The following CAND2 variants were observed in gnomAD, a reference collection of about 807,000 sequenced individuals.
The protein encoded by CAND2 is cullin-associated NEDD8-dissociated protein 2.
In CAND2, 62 loss-of-function variants were observed where a neutral mutation model predicts 98.9. That is an observed-to-expected ratio of 0.63 (90% CI 0.51 to 0.77). The LOEUF is 0.77. CAND2 is among the 30% of genes least tolerant of loss of function. The pLI is 0.00. For missense variants in CAND2, 1,501 were observed against 1,655.2 expected, an observed-to-expected ratio of 0.91 and a Z score of 1.62; for synonymous variants, 770 against 731.9, an observed-to-expected ratio of 1.05 and a Z score of -0.84.
In CAND2 at chr3:12,812,221, C is replaced by CTTTTTTTTTTTTTTTTTTTTTTT. The variant is rs531439250; in HGVS notation, c.758-750_758-749insTTTTTTTTTTTTTTTTTTTTTTT. Among the ~76,000 whole-genome samples, 13 of 74,512 alleles carry CTTTTTTTTTTTTTTTTTTTTTTT rather than the reference C, an allele frequency of 1.7e-4. 2 individuals carry two copies. Among genetic ancestry groups the CTTTTTTTTTTTTTTTTTTTTTTT allele is most frequent in the African/African-American group, 4.6e-4 (8 of 17,402 alleles). 48.9% of individuals were successfully genotyped at this position (74,512 alleles called of 152,430 possible). A position where few individuals can be genotyped will look rare whatever the true frequency, so the allele number is the denominator to read the frequency against. On this transcript the variant is annotated intron_variant, in intron 5 of 14. Transcript: ENST00000456430. Reference sequence around the variant, plus strand: ...ACCATGCCCGGCCTAAGCTGTTTATCTTTTTTTTTTTTTTTTTTTGGAGAT... The same window carrying CTTTTTTTTTTTTTTTTTTTTTTT: ...ACCATGCCCGGCCTAAGCTGTTTATCTTTTTTTTTTTTTTTTTTTTTTTTTTTTTTTTTTTTTTTTTTGGAGAT...
rs773542834 is a variant in CAND2, at chr3:12,825,634, C to T, written c.3205C>T (p.Arg1069Ter). 6 of 1,588,606 alleles carry T rather than the reference C, an allele frequency of 3.8e-6. No homozygotes were observed. In the African/African-American group the frequency reaches 6.7e-5, roughly 18 times the overall value. The change falls in exon 12 of 15, where the codon CGA becomes TGA. Residue 1069 changes from arginine (R) to a stop codon, truncating the protein, a stop_gained. Coordinates refer to ENST00000456430, the MANE Select transcript of CAND2 (RefSeq NM_001162499.2). LOFTEE classifies it high-confidence loss of function. ...QETKIRRDLI[R>*]EVEMGPFKHT... ...GACAAAGATCCGGCGGGACCTCATC[C>T]GAGAGGTGTGGAGCAGAGCTGGGGA... is the stretch of plus-strand genomic sequence containing the variant.
chr3:12,809,725 A>G (rs77126575), intron 4 of CAND2, among the ~76,000 whole-genome samples: 2,280 of 151,918 alleles, frequency 0.015, 58 homozygotes, highest in African/African-American at 0.049. Flanking sequence ...AGGAGGATGG[A>G]CAGAAGGGGA....
In CAND2 at chr3:12,815,291, A is replaced by T. The variant is rs776527631; in HGVS notation, c.1157A>T (p.Lys386Ile). The change falls in exon 8 of 15, where the codon AAA becomes ATA. Residue 386 changes from lysine (K) to isoleucine (I), a missense_variant. Lys to Ile is a moderately radical substitution (Grantham distance 102). Transcript: ENST00000456430. This position sits in a 1 kb window ranked among gnomAD's most constrained non-coding sequence, Gnocchi z 5.7. ...GCACCTGTGCTCATCCGCCGCTTCA[A>T]AGAACGCGAGGAGAACGTCAAGGCT... ...TLAPVLIRRF[K>I]EREENVKADV... 16 of 1,613,872 alleles carry T rather than the reference A, an allele frequency of 9.9e-6. No individual in the cohort carries two copies. In the Admixed American group the frequency reaches 1.8e-4, roughly 18 times the overall value.
chr3:12,807,412 G>T lies in CAND2; in HGVS notation c.319G>T (p.Gly107Cys). Reference protein sequence around the residue: ...SDKEQLRDIAGIGLKTVLSEL... With the variant: ...SDKEQLRDIACIGLKTVLSEL... ...CAAGGAGCAGCTGCGAGACATTGCC[G>T]GCATTGGCCTCAAGACCGTCCTCTC... Residue 107 changes from glycine (G) to cysteine (C), a missense_variant, in exon 3 of 15, where the codon GGC (glycine) becomes TGC (cysteine). Physicochemically the swap from Gly to Cys is radical, Grantham distance 159 (BLOSUM62 -3). Transcript: ENST00000456430. 6.4e-7 allele frequency: 1 copy of T among 1,551,712 alleles called. No individual in the cohort carries two copies. The highest frequency in any genetic ancestry group is 8.7e-7 in the Non-Finnish European group (1 of 1,146,980).
chr3:12,816,866 A>G lies in CAND2; in HGVS notation c.1934A>G (p.Asp645Gly). 6.2e-7 allele frequency: 1 copy of G among 1,613,626 alleles called. No individual in the cohort carries two copies. The highest frequency in any genetic ancestry group is 8.5e-7 in the Non-Finnish European group (1 of 1,179,988). ...TLVAVSPLQL[D>G]LQPILAEALH... ...GTGGCCGTATCCCCACTACAGCTTGACCTACAGCCCATCCTGGCCGAGGCA... is the reference window on the plus strand; with the variant it reads ...GTGGCCGTATCCCCACTACAGCTTGGCCTACAGCCCATCCTGGCCGAGGCA... Residue 645 changes from aspartate (D) to glycine (G), a missense_variant, in exon 10 of 15, where the codon GAC (aspartate) becomes GGC (glycine). Transcript: ENST00000456430.
At chr3:12,807,285 A>T in intron 2 of CAND2, 21 bp from the exon 3 acceptor site, 1 of 1,547,934 alleles carries the variant, frequency 6.5e-7, no homozygotes, top group Non-Finnish European at 8.7e-7. Context: ...CCTTGGATTC[A>T]CCTTCCCACT....
intron 2 of CAND2, 45 bp from the exon 3 acceptor site, chr3:12,807,261 G>T: frequency 6.5e-7 from 1 of 1,538,270 alleles, no homozygotes; most frequent in African/African-American, 1.4e-5. Flanking sequence ...CCTGACTCAG[G>T]CTGAACCTTG....
intron 11 of CAND2, among the ~76,000 whole-genome samples, chr3:12,822,333 C>T (rs1227919614): frequency 1.5e-5 from 2 of 137,470 alleles, no homozygotes. Context: ...CTCACTCTGT[C>T]ACCCAGGCTG....
At chr3:12,808,096 A>G in intron 3 of CAND2, 114 bp from the exon 4 acceptor site, 1 of 1,369,162 alleles carries the variant, frequency 7.3e-7, no homozygotes, top group Non-Finnish European at 9.9e-7. Context: ...AGCCCTGGTA[A>G]GATTCCCGGG....
chr3:12,828,581 A>G (rs542135989), intron 13 of CAND2, among the ~76,000 whole-genome samples: 39 of 152,174 alleles, frequency 2.6e-4, no homozygotes, highest in Non-Finnish European at 4.0e-4. Flanking sequence ...ACCTCAAGTA[A>G]TCTGCCTGCC....
At position 12,816,610 on chromosome 3, in the gene CAND2, A is replaced by C; in HGVS notation, c.1678A>C (p.Met560Leu). 6.2e-7 allele frequency: 1 copy of C among 1,613,888 alleles called. No individual in the cohort carries two copies. Among genetic ancestry groups the C allele is most frequent in the South Asian group, 1.1e-5 (1 of 91,088 alleles). Reference sequence around the variant, plus strand: ...CCTGTGGCCGCTGCACAGGCCTCGGATGCTGGATCCTGAGCCATATGTTGG... The same window carrying C: ...CCTGTGGCCGCTGCACAGGCCTCGGCTGCTGGATCCTGAGCCATATGTTGG... ...RALWPLHRPRMLDPEPYVGEM... is the reference protein window; with the variant it reads ...RALWPLHRPRLLDPEPYVGEM... The change falls in exon 10 of 15, where the codon ATG becomes CTG. Residue 560 changes from methionine to leucine, a missense_variant. Physicochemically the swap from Met to Leu is conservative, Grantham distance 15 (BLOSUM62 2). Transcript: ENST00000456430.
chr3:12,827,369 T>C (rs1196407529), intron 12 of CAND2, 71 bp from the exon 13 acceptor site: 25 of 1,432,232 alleles, frequency 1.7e-5, no homozygotes, highest in Admixed American at 1.3e-4. Context: ...AGATGTGGGG[T>C]TTGTAGCAGA....
At chr3:12,806,856 C>T (rs2061810287) in intron 2 of CAND2, among the ~76,000 whole-genome samples, 1 of 152,224 alleles carries the variant, frequency 6.6e-6, no homozygotes, top group Non-Finnish European at 1.5e-5. Flanking sequence ...AGAAGCAAGC[C>T]TCTAAGGCAG....
intron 5 of CAND2, 110 bp from the exon 6 acceptor site, chr3:12,812,880 G>T: frequency 1.5e-6 from 1 of 680,610 alleles, no homozygotes; most frequent in South Asian, 1.8e-5. Context: ...CCTCTGAGTT[G>T]AATCTACAGT....
chr3:12,817,081 T>G lies in CAND2; in HGVS notation c.2149T>G (p.Phe717Val). ...DMHVAQLAVD[F>V]LATVTQAQPA... ...GCATGTGGCCCAGCTGGCTGTGGACTTCCTTGCCACAGTGACCCAGGCCCA... is the reference window on the plus strand; with the variant it reads ...GCATGTGGCCCAGCTGGCTGTGGACGTCCTTGCCACAGTGACCCAGGCCCA... The change falls in exon 10 of 15, where the codon TTC (phenylalanine) becomes GTC (valine). Residue 717 changes from phenylalanine (F) to valine (V), a missense_variant. Coordinates refer to ENST00000456430, the MANE Select transcript of CAND2 (RefSeq NM_001162499.2). The G allele has an allele frequency of 6.2e-7, 1 of 1,612,948 alleles. No individual in the cohort carries two copies. The highest frequency in any genetic ancestry group is 8.5e-7 in the Non-Finnish European group (1 of 1,179,986).
At chr3:12,810,428 G>C in intron 5 of CAND2, 104 bp downstream of exon 5, 1 of 1,132,702 alleles carries the variant, frequency 8.8e-7, no homozygotes, top group Non-Finnish European at 1.1e-6. Flanking sequence ...TGCAGCCAGG[G>C]CCTAAGGGTG....
rs570169071 is a variant in CAND2, at chr3:12,797,257, A to G, written c.68+469A>G. Among the ~76,000 whole-genome samples, 784 of 147,022 alleles carry G rather than the reference A, an allele frequency of 5.3e-3. 4 individuals are homozygous for G. Among genetic ancestry groups the G allele is most frequent in the Non-Finnish European group, 7.4e-3 (496 of 66,956 alleles). On this transcript the variant is annotated intron_variant, in intron 1 of 14. Transcript: ENST00000456430. ...ACCCCAGCACCTGCCTCTCCTCCGC[A>G]TTGAACCCGGACCCTTCCCGGGACC...
At chr3:12,808,744 G>T (rs1406945203) in intron 4 of CAND2, among the ~76,000 whole-genome samples, 1 of 152,218 alleles carries the variant, frequency 6.6e-6, no homozygotes, top group Non-Finnish European at 1.5e-5. Context: ...CCTTCTAAAA[G>T]AGAGTGCTGC....
At position 12,834,593 on chromosome 3, in the gene CAND2, T is replaced by C. The variant is rs1349436195; in HGVS notation, c.*611T>C. On this transcript the variant is annotated 3_prime_UTR_variant, in exon 15 of 15. Transcript: ENST00000456430. ...GAACTGGACAGGCTTGGACCTCATG[T>C]TTCATTTCTAATTTCAAAATACTTA... 6.6e-6 allele frequency: 1 copy of C among 152,572 alleles called. No individual in the cohort carries two copies. Among genetic ancestry groups the C allele is most frequent in the African/African-American group, 2.4e-5 (1 of 41,456 alleles). The allele number at this position is 152,572 out of a possible 1,614,324, so 9.5% of individuals were successfully genotyped here.
Sources: allele counts gnomAD v4.1 joint callset (sites outside exome capture counted in the v4.1 genomes callset), GRCh38; gene constraint gnomAD v4.1.1; non-coding constraint Gnocchi (gnomAD v3.1); transcripts MANE v1.5; gene names NCBI Gene and HGNC (gene_info 2026-07-23, HGNC 2026-07-21).